Variants in DNAH5 observed in about 807,000 individuals in gnomAD.
The protein encoded by DNAH5 is dynein axonemal heavy chain 5.
In DNAH5, 372 loss-of-function variants were observed where a neutral mutation model predicts 518.2. The ratio of observed to expected loss-of-function variants is 0.72; its 90% CI spans 0.66 to 0.78. The LOEUF (loss-of-function observed/expected upper bound fraction) is 0.78, where lower values mean the gene tolerates loss of function less well. DNAH5 is among the 30% of genes least tolerant of loss of function. DNAH5 has a pLI of 0.00. For missense variants in DNAH5, 5,523 were observed against 5,687.0 expected (o/e 0.97, Z 0.93); for synonymous variants, 2,039 against 2,025.9 (o/e 1.01, Z -0.17).
At chr5:13,911,998 C>T (rs1181240567) in intron 11 of DNAH5, among the ~76,000 whole-genome samples, 1 of 152,136 alleles carries the variant, frequency 6.6e-6, no homozygotes, top group Non-Finnish European at 1.5e-5. Context: ...GACCAGAATC[C>T]ACCACTTAAA....
At chr5:13,847,763 T>C (rs950680634) in intron 31 of DNAH5, among the ~76,000 whole-genome samples, 1 of 150,450 alleles carries the variant, frequency 6.6e-6, no homozygotes, top group African/African-American at 2.5e-5. Context: ...AAGGGGGGAT[T>C]TCGCATGTGT....
chr5:13,787,189 G>A (rs1194771561), intron 51 of DNAH5, among the ~76,000 whole-genome samples: 3 of 148,294 alleles, frequency 2.0e-5, no homozygotes, highest in Non-Finnish European at 4.5e-5. Flanking sequence ...GGGAAACAGA[G>A]CGAGACTCTG....
Position 13,971,356 on chromosome 5 carries a change from C to G in DNAH5, c.13-40112G>C, listed in dbSNP as rs528580138. Among the ~76,000 whole-genome samples, 19 of 152,194 alleles carry G rather than the reference C, an allele frequency of 1.2e-4. No homozygotes were observed. The South Asian group carries it at 3.9e-3, about 32-fold the overall frequency. ...GGGGTGTTAAAGAAACTTGTTTTGT[C>G]ATATTACCAGAATTGTTTTTCTGGT... On this transcript the variant is annotated intron_variant, in intron 1 of 78. Transcript: ENST00000681290.
chr5:13,751,160 C>T lies in DNAH5; in HGVS notation c.11129G>A (p.Arg3710His), dbSNP rs954286214. The change falls in exon 65 of 79, where the codon CGT becomes CAT. Residue 3710 changes from arginine (R) to histidine (H), a missense_variant. Physicochemically the swap from Arg to His is conservative, Grantham distance 29. Transcript: ENST00000265104. Reference protein sequence around the residue: ...NPAYTPEISARTSIIDFTVTM... With the variant: ...NPAYTPEISAHTSIIDFTVTM... The stretch of plus-strand genomic sequence containing the variant: ...GACAGTGAAGTCAATGATGGAGGTA[C>T]GGGCACTTATCTCAGGGGTGTAGGC... The T allele has an allele frequency of 1.7e-5, 27 of 1,613,802 alleles. No homozygotes were observed. Among genetic ancestry groups the T allele is most frequent in the South Asian group, 1.4e-4 (13 of 91,078 alleles).
chr5:13,956,349 T>C (rs1288816310), intron 1 of DNAH5, among the ~76,000 whole-genome samples: 1 of 152,246 alleles, frequency 6.6e-6, no homozygotes, highest in African/African-American at 2.4e-5. Context: ...TCATTAAATA[T>C]ATGTTGAATG....
At chr5:13,923,720 C>T (rs552285289) in intron 3 of DNAH5, among the ~76,000 whole-genome samples, 1 of 152,288 alleles carries the variant, frequency 6.6e-6, no homozygotes, top group East Asian at 1.9e-4. Flanking sequence ...GTTCCAGACC[C>T]TCTGCTAGGT....
At chr5:13,899,817 C>T (rs1477735586) in intron 15 of DNAH5, 2 of 214,292 alleles carry the variant, frequency 9.3e-6, no homozygotes, top group Non-Finnish European at 1.9e-5. Context: ...CATCCCAGTT[C>T]AAGCTCTCAT....
Position 13,809,131 on chromosome 5 carries a change from G to A in DNAH5, c.7665C>T (p.Thr2555=), listed in dbSNP as rs1257235664. Residue 2555 remains threonine, a synonymous_variant, in exon 46 of 79, where the codon ACC becomes ACT. Coordinates refer to ENST00000265104, the MANE Select transcript of DNAH5 (RefSeq NM_001369.3). Reference sequence around the variant, plus strand: ...CCAGAATAGAACCATACTCTGGGGTGGTATCAGACGGATACAGGTATTCCT... The same window carrying A: ...CCAGAATAGAACCATACTCTGGGGTAGTATCAGACGGATACAGGTATTCCT... ...RTQEYLYPSD[T]TPEYGSILVP... 6.2e-7 allele frequency: 1 copy of A among 1,614,140 alleles called. No individual in the cohort carries two copies. Among genetic ancestry groups the A allele is most frequent in the Non-Finnish European group, 8.5e-7 (1 of 1,180,024 alleles).
At chr5:13,755,511 A>G (rs537841346) in intron 61 of DNAH5, among the ~76,000 whole-genome samples, 88 of 152,336 alleles carry the variant, frequency 5.8e-4, no homozygotes, top group African/African-American at 1.8e-3. Context: ...GAATATGATT[A>G]ATGTTCATCT....
intron 55 of DNAH5, among the ~76,000 whole-genome samples, chr5:13,773,814 T>A (rs1270880880): frequency 6.6e-6 from 1 of 151,732 alleles, no homozygotes; most frequent in African/African-American, 2.4e-5. Context: ...CAAAGGAAGA[T>A]TTTCCTGAAG....
chr5:13,975,578 C>T (rs1452296408), intron 1 of DNAH5, among the ~76,000 whole-genome samples: 1 of 152,114 alleles, frequency 6.6e-6, no homozygotes, highest in Non-Finnish European at 1.5e-5. Flanking sequence ...GGTTTACTTA[C>T]CATATGGAAT....
intron 43 of DNAH5, 85 bp from the exon 44 acceptor site, chr5:13,811,908 TC>T: frequency 1.7e-6 from 2 of 1,191,496 alleles, no homozygotes; most frequent in Non-Finnish European, 2.5e-6. Flanking sequence ...TTTAAAAGTA[TC>T]TGTTAATAAT....
chr5:13,777,305 G>A lies in DNAH5; in HGVS notation c.9002C>T (p.Thr3001Ile), dbSNP rs1296320011. The A allele has an allele frequency of 1.2e-6, 2 of 1,613,398 alleles. No individual in the cohort carries two copies. The highest frequency in any genetic ancestry group is 1.7e-6 in the Non-Finnish European group (2 of 1,179,608). The change falls in exon 54 of 79, where the codon ACA becomes ATA. Residue 3001 changes from threonine to isoleucine, a missense_variant. Thr to Ile is a moderately conservative substitution (Grantham distance 89, BLOSUM62 -1). Coordinates refer to ENST00000265104, the MANE Select transcript of DNAH5 (RefSeq NM_001369.3). ...LMEDLKVLYR[T>I]AGQQGKGITF... is the part of the protein sequence containing the mutation. ...GATTCCTTTGCCTTGCTGACCAGCT[G>A]TTCGATACAAAACCTTCAGATCTTC...
At chr5:13,767,770 G>A (rs1752711597) in intron 58 of DNAH5, among the ~76,000 whole-genome samples, 2 of 152,156 alleles carry the variant, frequency 1.3e-5, no homozygotes, top group Admixed American at 1.3e-4. Context: ...TTTTCTGCAG[G>A]CCAAGAAATA....
chr5:13,821,255 A>G (rs890545937), intron 40 of DNAH5, among the ~76,000 whole-genome samples: 39 of 152,216 alleles, frequency 2.6e-4, no homozygotes, highest in Non-Finnish European at 1.0e-4. Context: ...CTCAAACAGC[A>G]AAATGTATTT....
intron 24 of DNAH5, among the ~76,000 whole-genome samples, chr5:13,869,500 A>C (rs1769772248): frequency 6.6e-6 from 1 of 152,154 alleles, no homozygotes; most frequent in Non-Finnish European, 1.5e-5. Flanking sequence ...GTCAACAATC[A>C]CAAGTGGCAA....
chr5:13,948,068 G>C (rs1780070602), upstream of DNAH5, among the ~76,000 whole-genome samples: 1 of 152,162 alleles, frequency 6.6e-6, no homozygotes, highest in African/African-American at 2.4e-5. Context: ...ACAATACCAG[G>C]AAGTTACAGC....
chr5:13,867,918 G>A lies in DNAH5; in HGVS notation c.3909C>T (p.His1303=), dbSNP rs1226977552. ...GTGCCAGCAGCTTCTCCCAAGCATA[G>A]TGCAGTGTATCAACTTTGTCTATCT... is the stretch of plus-strand genomic sequence containing the variant. ...REEIDKVDTL[H]YAWEKLLARA... is the part of the protein sequence containing the mutation. The change falls in exon 25 of 79, where the codon CAC becomes CAT. Residue 1303 remains histidine, a synonymous_variant. Coordinates refer to ENST00000265104, the MANE Select transcript of DNAH5 (RefSeq NM_001369.3). The A allele has an allele frequency of 1.9e-6, 3 of 1,613,964 alleles. No individual in the cohort carries two copies. Among genetic ancestry groups the A allele is most frequent in the African/African-American group, 1.3e-5 (1 of 74,908 alleles).
chr5:13,998,113 G>T (rs1721247195), intron 1 of DNAH5, among the ~76,000 whole-genome samples: 1 of 152,126 alleles, frequency 6.6e-6, no homozygotes, highest in African/African-American at 2.4e-5. Flanking sequence ...CAAAGTGCTG[G>T]GATTACAGGC....
Sources: gnomAD v4.1 joint callset for allele counts (sites outside exome capture counted in the v4.1 genomes callset) on GRCh38, gnomAD v4.1.1 for gene constraint, MANE v1.5 for transcripts, NCBI Gene and HGNC (gene_info 2026-07-23, HGNC 2026-07-21) for gene names.